The following STAM variants were observed in gnomAD, a reference collection of about 807,000 sequenced individuals.
STAM encodes the protein signal transducing adaptor molecule.
In STAM, 16 loss-of-function variants were observed where a neutral mutation model predicts 63.4. The observed-to-expected ratio is 0.25, with a 90% CI of 0.17 to 0.38. The LOEUF (loss-of-function observed/expected upper bound fraction) is 0.38. Ranked by LOEUF, STAM falls within the 10% of genes least tolerant of loss-of-function variation. The pLI is 1.00. For missense variants in STAM, 636 were observed against 657.1 expected (o/e 0.97, Z 0.35); for synonymous variants, 238 against 223.9 (o/e 1.06, Z -0.56).
intron 2 of STAM, among the ~76,000 whole-genome samples, chr10:17,665,995 G>A (rs902894607): frequency 6.6e-6 from 1 of 152,046 alleles, no homozygotes; most frequent in Non-Finnish European, 1.5e-5. Context: ...GATAATAGCC[G>A]TTTTCTTTAA....
intron 2 of STAM, among the ~76,000 whole-genome samples, chr10:17,683,835 C>A (rs1835184320): frequency 6.6e-6 from 1 of 152,166 alleles, no homozygotes; most frequent in African/African-American, 2.4e-5. Context: ...GTCTTCATAT[C>A]ATTTTATTGA....
chr10:17,667,469 C>G (rs1392444342), intron 2 of STAM, among the ~76,000 whole-genome samples: 1 of 152,176 alleles, frequency 6.6e-6, no homozygotes, highest in Non-Finnish European at 1.5e-5. Context: ...ATGTTTCACT[C>G]AGTTTCGTAA....
chr10:17,644,191 G>A lies in STAM; in HGVS notation c.-149G>A, dbSNP rs1833423037. Reference sequence around the variant, plus strand: ...CGCCGCAGCTGCTGCCGCGGTTGGTGGGGTTGGGTGAGAGGAGGAGCTGTC... The same window carrying A: ...CGCCGCAGCTGCTGCCGCGGTTGGTAGGGTTGGGTGAGAGGAGGAGCTGTC... On this transcript the variant is annotated 5_prime_UTR_variant, in exon 1 of 14. Transcript: ENST00000377524. 1.3e-6 allele frequency: 1 copy of A among 780,950 alleles called. No individual in the cohort carries two copies. Among genetic ancestry groups the A allele is most frequent in the South Asian group, 1.5e-5 (1 of 66,290 alleles). The allele number at this position is 780,950 out of a possible 1,614,324, so 48.4% of individuals were successfully genotyped here.
intron 2 of STAM, among the ~76,000 whole-genome samples, chr10:17,669,157 A>G (rs1391157684): frequency 6.6e-6 from 1 of 152,190 alleles, no homozygotes; most frequent in Non-Finnish European, 1.5e-5. Context: ...TTGGCTACCA[A>G]ATATCCCAAC....
intron 11 of STAM, 57 bp from the exon 12 acceptor site, chr10:17,705,531 A>G: frequency 6.5e-7 from 1 of 1,543,274 alleles, no homozygotes. Context: ...ATCATTATTT[A>G]GAGCATTATA....
chr10:17,709,495 T>C (rs1564574307), intron 13 of STAM, among the ~76,000 whole-genome samples: 1 of 152,212 alleles, frequency 6.6e-6, no homozygotes. Context: ...GAATATGTGA[T>C]GACAGAGGCC....
At chr10:17,709,072 C>T in intron 13 of STAM, 121 bp downstream of exon 13, 1 of 1,196,930 alleles carries the variant, frequency 8.4e-7, no homozygotes. Flanking sequence ...ATGCGGCCGC[C>T]CCATTTGTGC....
intron 2 of STAM, among the ~76,000 whole-genome samples, chr10:17,663,090 A>G (rs1834236759): frequency 1.3e-5 from 2 of 152,160 alleles, no homozygotes; most frequent in Admixed American, 6.5e-5. Context: ...CCCTTTTACA[A>G]CTATAAATAT....
intron 2 of STAM, among the ~76,000 whole-genome samples, chr10:17,674,258 C>G (rs1834757369): frequency 6.6e-6 from 1 of 152,190 alleles, no homozygotes; most frequent in African/African-American, 2.4e-5. Flanking sequence ...AGAGGCTGTT[C>G]TAGTTATCTC....
At chr10:17,679,183 A>G (rs1554824991) in intron 2 of STAM, among the ~76,000 whole-genome samples, 1 of 152,144 alleles carries the variant, frequency 6.6e-6, no homozygotes, top group Non-Finnish European at 1.5e-5. Flanking sequence ...TCCCACCGGC[A>G]ATGTACAAGG....
At chr10:17,659,203 G>A (rs530108068) in intron 1 of STAM, among the ~76,000 whole-genome samples, 3 of 151,622 alleles carry the variant, frequency 2.0e-5, no homozygotes, top group South Asian at 2.1e-4. Context: ...ACCACTTCAT[G>A]TGTAATGCAA....
intron 2 of STAM, among the ~76,000 whole-genome samples, chr10:17,670,905 T>C (rs538354368): frequency 6.6e-5 from 10 of 152,310 alleles, no homozygotes; most frequent in African/African-American, 2.4e-4. Context: ...AAATCAAATT[T>C]GCATTTTGAA....
At chr10:17,704,229 A>T (rs925292672) in intron 9 of STAM, among the ~76,000 whole-genome samples, 1 of 152,130 alleles carries the variant, frequency 6.6e-6, no homozygotes, top group Non-Finnish European at 1.5e-5. Context: ...AGCAGTTTCA[A>T]AAATATATAG....
chr10:17,654,870 A>C (rs1159995150), intron 1 of STAM, among the ~76,000 whole-genome samples: 1 of 152,190 alleles, frequency 6.6e-6, no homozygotes, highest in African/African-American at 2.4e-5. Context: ...CAAACACCTG[A>C]GATAGTATTT....
chr10:17,709,664 C>T (rs576804221), intron 13 of STAM, among the ~76,000 whole-genome samples: 47 of 152,092 alleles, frequency 3.1e-4, no homozygotes, highest in Middle Eastern at 3.4e-3. Context: ...CTAGAAGTTA[C>T]GACATTCTAG....
intron 9 of STAM, among the ~76,000 whole-genome samples, 196 bp from the exon 10 acceptor site, chr10:17,704,235 T>C (rs1288539180): frequency 3.9e-5 from 6 of 152,074 alleles, no homozygotes; most frequent in Non-Finnish European, 8.8e-5. Flanking sequence ...TTCAAAAATA[T>C]ATAGGAAGTA....
chr10:17,703,682 G>A (rs1158453337), intron 9 of STAM, among the ~76,000 whole-genome samples: 2 of 152,162 alleles, frequency 1.3e-5, no homozygotes. Context: ...TTCTGAAATA[G>A]ATCTGTGTCA....
intron 9 of STAM, among the ~76,000 whole-genome samples, chr10:17,700,525 GATTT>G (rs1835946272): frequency 6.6e-6 from 1 of 151,466 alleles, no homozygotes; most frequent in Non-Finnish European, 1.5e-5. Context: ...GCCTTACCAT[GATTT>G]ATTTAATCTA....
At position 17,655,516 on chromosome 10, in the gene STAM, C is replaced by A. The variant is rs114302876; in HGVS notation, c.41-4948C>A. Among the ~76,000 whole-genome samples, 798 of 152,170 alleles carry A rather than the reference C, an allele frequency of 5.2e-3. 12 individuals carry two copies. Among genetic ancestry groups the A allele is most frequent in the African/African-American group, 0.019 (773 of 41,500 alleles). ...GGTAGTGACTAACTAGCAGGTGATG[C>A]TGTGATATATAGCAGGTATTATACA... On this transcript the variant is annotated intron_variant, in intron 1 of 13. Transcript: ENST00000377524.
Sources: allele counts gnomAD v4.1 joint callset (sites outside exome capture counted in the v4.1 genomes callset), GRCh38; gene constraint gnomAD v4.1.1; transcripts MANE v1.5; gene names NCBI Gene and HGNC (gene_info 2026-07-23, HGNC 2026-07-21).